TTC28: variants seen among roughly 807,000 people sequenced by gnomAD.
The protein encoded by TTC28 is tetratricopeptide repeat domain 28.
TTC28 carries 61 observed loss-of-function variants against 198.0 expected under a neutral mutation model. The observed-to-expected ratio is 0.31, with a 90% CI of 0.25 to 0.38. The LOEUF (loss-of-function observed/expected upper bound fraction) is 0.38, where lower values mean the gene tolerates loss of function less well. Ranked by LOEUF, TTC28 falls within the 10% of genes least tolerant of loss-of-function variation. The pLI is 1.00. For synonymous variants in TTC28, 1,171 were observed against 1,297.8 expected, an observed-to-expected ratio of 0.90 and a Z score of 2.10; for missense variants, 2,678 against 3,164.0, an observed-to-expected ratio of 0.85 and a Z score of 3.69.
chr22:28,373,761 T>G (rs1425589765), intron 2 of TTC28, among the ~76,000 whole-genome samples: 1 of 152,194 alleles, frequency 6.6e-6, no homozygotes. Flanking sequence ...CAGTAATCAC[T>G]GCCCCAAAGA....
intron 4 of TTC28, among the ~76,000 whole-genome samples, chr22:28,296,530 A>G (rs1210500341): frequency 6.6e-6 from 1 of 152,148 alleles, no homozygotes; most frequent in Non-Finnish European, 1.5e-5. Flanking sequence ...CTGGATAACA[A>G]CTGCTTTTAT....
At chr22:28,374,005 A>G (rs2046374715) in intron 2 of TTC28, among the ~76,000 whole-genome samples, 1 of 152,204 alleles carries the variant, frequency 6.6e-6, no homozygotes, top group African/African-American at 2.4e-5. Context: ...GATCAGATTT[A>G]GCTGTAAGTA....
In TTC28 at chr22:28,083,279, G is replaced by A. The variant is rs1005291864; in HGVS notation, c.3932+10801C>T. Among the ~76,000 whole-genome samples, 4 of 152,222 alleles carry A rather than the reference G, an allele frequency of 2.6e-5. No individual in the cohort carries two copies. The South Asian group carries it at 6.2e-4, about 24-fold the overall frequency. On this transcript the variant is annotated intron_variant, in intron 12 of 22. Coordinates refer to ENST00000397906, the MANE Select transcript of TTC28 (RefSeq NM_001145418.2). ...ACCCCTGAGCTAGAGTAGAGAGACA[G>A]AAATTACAGGGTACATTTAGAGAGC...
intron 5 of TTC28, among the ~76,000 whole-genome samples, chr22:28,198,058 C>T (rs756410125): frequency 6.6e-5 from 10 of 152,130 alleles, no homozygotes; most frequent in African/African-American, 2.2e-4. Context: ...GAAATATAAA[C>T]TGTTGAAGCT....
chr22:28,552,515 T>C (rs535852307), intron 2 of TTC28, among the ~76,000 whole-genome samples: 5 of 152,174 alleles, frequency 3.3e-5, no homozygotes, highest in Non-Finnish European at 7.3e-5. Flanking sequence ...AGCCTGGTAC[T>C]GGTATAAAAA....
In TTC28 at chr22:28,163,189, C is replaced by A. The variant is rs1278234088; in HGVS notation, c.1344G>T (p.Gln448His). Residue 448 changes from glutamine to histidine, a missense_variant, in exon 6 of 23, where the codon CAG becomes CAT. Transcript: ENST00000397906. ...GGTATTGTTTAGCTCTCTCCAAATC[C>A]TGCATGCACCTGGCAGCATGGCCTA... The part of the protein sequence containing the change: ...AGLGHAARCM[Q>H]DLERAKQYHE... The A allele has an allele frequency of 1.5e-5, 23 of 1,551,622 alleles. No individual in the cohort carries two copies. Among genetic ancestry groups the A allele is most frequent in the Non-Finnish European group, 4.4e-6 (5 of 1,147,026 alleles).
intron 2 of TTC28, among the ~76,000 whole-genome samples, chr22:28,347,769 T>C (rs1327801686): frequency 1.3e-5 from 2 of 152,078 alleles, no homozygotes; most frequent in Non-Finnish European, 2.9e-5. Flanking sequence ...GCTACTCAAG[T>C]GGCTGAGGCA....
intron 2 of TTC28, among the ~76,000 whole-genome samples, chr22:28,535,504 A>G (rs1031230331): frequency 1.3e-5 from 2 of 152,146 alleles, no homozygotes; most frequent in African/African-American, 4.8e-5. Flanking sequence ...GTTTTTATAG[A>G]TAGATAAAGT....
At chr22:28,211,200 G>C (rs1309817957) in intron 5 of TTC28, among the ~76,000 whole-genome samples, 1 of 152,108 alleles carries the variant, frequency 6.6e-6, no homozygotes, top group Non-Finnish European at 1.5e-5. Context: ...AAAGACCATT[G>C]ATGCTAGGAA....
At chr22:27,990,662 G>A (rs955279137) in intron 20 of TTC28, 127 bp downstream of exon 20, 5 of 852,782 alleles carry the variant, frequency 5.9e-6, no homozygotes, top group African/African-American at 1.7e-5. Flanking sequence ...CCGCGGGGGC[G>A]CCGCAGCCCG....
chr22:28,163,207 A>G lies in TTC28; in HGVS notation c.1326T>C (p.His442=), dbSNP rs778204076. The change falls in exon 6 of 23, where the codon CAT becomes CAC. Residue 442 remains histidine (H), a synonymous_variant. Coordinates refer to ENST00000397906, the MANE Select transcript of TTC28 (RefSeq NM_001145418.2). ...CCAAATCCTGCATGCACCTGGCAGCATGGCCTAGTCCAGCATAGGCCCGCA... is the reference window on the plus strand; with the variant it reads ...CCAAATCCTGCATGCACCTGGCAGCGTGGCCTAGTCCAGCATAGGCCCGCA... ...IEMRAYAGLG[H]AARCMQDLER... 1 of 1,551,738 alleles carries G rather than the reference A, an allele frequency of 6.4e-7. No individual in the cohort carries two copies. The highest frequency in any genetic ancestry group is 1.4e-5 in the African/African-American group (1 of 73,152).
At chr22:28,345,488 A>G (rs564156071) in intron 2 of TTC28, among the ~76,000 whole-genome samples, 2 of 152,282 alleles carry the variant, frequency 1.3e-5, no homozygotes, top group South Asian at 4.1e-4. Flanking sequence ...GAGGCTGGGT[A>G]GCTGAGGTGC....
At chr22:28,561,130 G>A (rs1394816306) in intron 2 of TTC28, among the ~76,000 whole-genome samples, 2 of 134,864 alleles carry the variant, frequency 1.5e-5, no homozygotes, top group African/African-American at 5.7e-5. Context: ...CTGGAGTGCA[G>A]TGGCGCAATC....
chr22:28,434,431 C>T (rs1426468670), intron 2 of TTC28, among the ~76,000 whole-genome samples: 1 of 152,150 alleles, frequency 6.6e-6, no homozygotes, highest in Non-Finnish European at 1.5e-5. Flanking sequence ...TGCCTGTAAT[C>T]CCAGCACTTT....
chr22:28,531,140 C>T (rs2049128477), intron 2 of TTC28, among the ~76,000 whole-genome samples: 1 of 152,190 alleles, frequency 6.6e-6, no homozygotes, highest in Admixed American at 6.6e-5. Flanking sequence ...CAAGACCCAT[C>T]AGTGTGCTAT....
intron 12 of TTC28, among the ~76,000 whole-genome samples, chr22:28,084,543 A>G (rs1255187652): frequency 6.6e-6 from 1 of 152,220 alleles, no homozygotes; most frequent in Non-Finnish European, 1.5e-5. Context: ...AAGGTAGATG[A>G]AACCACAAAG....
chr22:28,116,388 G>A (rs1215011724), intron 6 of TTC28, among the ~76,000 whole-genome samples: 1 of 152,234 alleles, frequency 6.6e-6, no homozygotes, highest in East Asian at 1.9e-4. Context: ...TATTTAAAAA[G>A]AGGTGGCTGG....
At chr22:28,261,561 C>T (rs1212506924) in intron 5 of TTC28, among the ~76,000 whole-genome samples, 2 of 152,160 alleles carry the variant, frequency 1.3e-5, no homozygotes, top group Non-Finnish European at 2.9e-5. Context: ...GTCTGACTTA[C>T]TATTTTAACT....
chr22:28,508,062 AAACTT>A (rs2048637287), intron 2 of TTC28, among the ~76,000 whole-genome samples: 1 of 152,178 alleles, frequency 6.6e-6, no homozygotes, highest in Non-Finnish European at 1.5e-5. Context: ...TAACAATACT[AAACTT>A]AAATGTAAAT....
Sources: allele counts gnomAD v4.1 joint callset (sites outside exome capture counted in the v4.1 genomes callset), GRCh38; gene constraint gnomAD v4.1.1; transcripts MANE v1.5; gene names NCBI Gene and HGNC (gene_info 2026-07-23, HGNC 2026-07-21).